RANBP1: variants seen among roughly 807,000 people sequenced by gnomAD.
RANBP1 encodes the protein RAN binding protein 1.
RANBP1 carries 16 observed loss-of-function variants against 31.4 expected under a neutral mutation model. That is an observed-to-expected ratio of 0.51 (90% confidence interval 0.34 to 0.77). RANBP1 has a LOEUF of 0.77. RANBP1 is among the 30% of genes least tolerant of loss of function. The pLI is 0.01. For synonymous variants in RANBP1, 129 were observed against 140.5 expected (o/e 0.92, Z 0.58); for missense variants, 265 against 362.0 (o/e 0.73, Z 2.17).
chr22:20,117,224 T>G (rs185006124), intron 1 of RANBP1: 2 of 542,576 alleles, frequency 3.7e-6, no homozygotes, highest in Non-Finnish European at 3.0e-6. Flanking sequence ...CGAGCGTCTC[T>G]ATGATCCTGG....
rs566453709 is a variant in RANBP1 at position 20,121,991 on chromosome 22, G to A, written c.384-273G>A. The stretch of plus-strand genomic sequence containing the variant: ...TAACCTCAGATGACCTGCCCGCCTC[G>A]GCCTCCCCGAATGCTGGGATTACAA... On this transcript the variant is annotated intron_variant, in intron 2 of 5. Transcript: ENST00000430524. Among the ~76,000 whole-genome samples the A allele has an allele frequency of 5.3e-5, 8 of 151,916 alleles. No individual in the cohort carries two copies. The South Asian group carries it at 1.7e-3, about 32-fold the overall frequency.
chr22:20,119,768 G>A (rs1049593196), intron 2 of RANBP1, among the ~76,000 whole-genome samples: 2 of 152,140 alleles, frequency 1.3e-5, no homozygotes, highest in East Asian at 3.9e-4. Flanking sequence ...GCCCACCCCA[G>A]CCTCCCAAAG....
chr22:20,122,201 C>G, intron 2 of RANBP1, 63 bp from the exon 3 acceptor site: 1 of 1,569,700 alleles, frequency 6.4e-7, no homozygotes, highest in East Asian at 2.3e-5. Context: ...CCTGTGTCCT[C>G]CTGCGCAGGC....
intron 5 of RANBP1, chr22:20,126,582 C>T: frequency 6.5e-7 from 1 of 1,543,512 alleles, no homozygotes; most frequent in Non-Finnish European, 8.8e-7. Context: ...TCCAATTGGG[C>T]AGGCATTGGA....
In RANBP1 at chr22:20,125,298, C is replaced by T. The variant is rs759142606; in HGVS notation, c.542-10C>T. On this transcript the variant is annotated splice_polypyrimidine_tract_variant and intron_variant, in intron 3 of 5. Transcript: ENST00000430524. ...CATCTCACCATCTTCACGAGCTTCT[C>T]TCTCTTCAGTCACGCCGATGATGGA... The T allele has an allele frequency of 7.4e-6, 12 of 1,611,518 alleles. No homozygotes were observed. Among genetic ancestry groups the T allele is most frequent in the Non-Finnish European group, 1.0e-5 (12 of 1,179,828 alleles).
In RANBP1 at chr22:20,125,340, G is replaced by T. The variant is rs2050272352; in HGVS notation, c.574G>T (p.Gly192Cys). Residue 192 changes from glycine to cysteine, a missense_variant, in exon 4 of 6, where the codon GGT becomes TGT. By Grantham distance (159) the Gly-to-Cys change is radical. Coordinates refer to ENST00000430524, the MANE Select transcript of RANBP1 (RefSeq NM_001278639.2). ...GATGATGGAGCTGAAGCCCAACGCAGGTAGCGACCGTGCCTGGGTCTGGAA... is the reference window on the plus strand; with the variant it reads ...GATGATGGAGCTGAAGCCCAACGCATGTAGCGACCGTGCCTGGGTCTGGAA... Reference protein sequence around the residue: ...TPMMELKPNAGSDRAWVWNTH... With the variant: ...TPMMELKPNACSDRAWVWNTH... 6.2e-7 allele frequency: 1 copy of T among 1,611,650 alleles called. No homozygotes were observed. Among genetic ancestry groups the T allele is most frequent in the Non-Finnish European group, 8.5e-7 (1 of 1,179,884 alleles).
intron 2 of RANBP1, among the ~76,000 whole-genome samples, chr22:20,122,029 G>A (rs1480611085): frequency 2.0e-5 from 3 of 152,118 alleles, no homozygotes; most frequent in African/African-American, 4.8e-5. Flanking sequence ...GAGCCACCGC[G>A]CCCGGTCGTC....
chr22:20,117,790 G>T, intron 1 of RANBP1: 6 of 1,040,248 alleles, frequency 5.8e-6, no homozygotes, highest in Non-Finnish European at 6.9e-6. Context: ...CGTCTGCTGG[G>T]CCTCGGTGGC....
chr22:20,117,506 T>A, intron 1 of RANBP1: 1 of 1,279,516 alleles, frequency 7.8e-7, no homozygotes, highest in Non-Finnish European at 9.9e-7. Flanking sequence ...GGGGTCGAGG[T>A]TCGGGTCGTG....
chr22:20,117,873 C>T (rs976495079), intron 1 of RANBP1: 1 of 1,019,582 alleles, frequency 9.8e-7, no homozygotes, highest in African/African-American at 1.7e-5. Context: ...GCAGGCTCTG[C>T]AGAGGCCTGG....
chr22:20,117,050 G>A (rs2050048935), intron 1 of RANBP1: 2 of 1,079,566 alleles, frequency 1.9e-6, no homozygotes, highest in Non-Finnish European at 1.3e-6. Flanking sequence ...AACGCCGCGA[G>A]GTCGCCGCCA....
intron 5 of RANBP1, chr22:20,126,696 T>C: frequency 6.7e-7 from 1 of 1,496,742 alleles, no homozygotes; most frequent in Admixed American, 2.0e-5. Context: ...ACTGCAGCTG[T>C]GGTGGCAAGT....
intron 2 of RANBP1, among the ~76,000 whole-genome samples, chr22:20,121,844 T>C (rs2050177583): frequency 7.2e-6 from 1 of 138,612 alleles, no homozygotes; most frequent in South Asian, 2.2e-4. Context: ...GCTCAAGTGA[T>C]TGTCGTGCCT....
At chr22:20,119,651 A>T (rs2050132660) in intron 2 of RANBP1, 2 of 157,826 alleles carry the variant, frequency 1.3e-5, no homozygotes, top group Admixed American at 1.2e-4. Context: ...CCTCAGCTGG[A>T]ACTACAGGCA....
intron 2 of RANBP1, among the ~76,000 whole-genome samples, chr22:20,119,703 G>A (rs2050134319): frequency 6.6e-6 from 1 of 152,158 alleles, no homozygotes; most frequent in South Asian, 2.1e-4. Context: ...TTTTAGTAGA[G>A]ACGGAGTTTC....
intron 4 of RANBP1, 165 bp downstream of exon 4, chr22:20,125,601 C>T (rs1001704629): frequency 6.6e-7 from 1 of 1,517,184 alleles, no homozygotes; most frequent in Non-Finnish European, 8.8e-7. Flanking sequence ...CATGCCCAGA[C>T]TGAAGCCATG....
At chr22:20,121,479 C>T (rs191627984) in intron 2 of RANBP1, among the ~76,000 whole-genome samples, 143 of 152,180 alleles carry the variant, frequency 9.4e-4, no homozygotes, top group African/African-American at 3.0e-3. Context: ...GAACTCCCGA[C>T]GTCAGGTGAT....
At chr22:20,117,198 C>T in intron 1 of RANBP1, 3 of 540,524 alleles carry the variant, frequency 5.6e-6, no homozygotes, top group African/African-American at 2.0e-5. Flanking sequence ...AGTCCGCCAG[C>T]GCGTGCGGCG....
intron 3 of RANBP1, among the ~76,000 whole-genome samples, chr22:20,122,990 GGGGTGTGGTGGGGTATGTGGTT>G (rs2050212801): frequency 8.8e-6 from 1 of 114,030 alleles, no homozygotes; most frequent in Admixed American, 8.4e-5. Flanking sequence ...TGGTGTCTGG[GGGGTGTGGTGGGGTATGTGGTT>G]GGGTGTGGTG....
Sources: gnomAD v4.1 joint callset for allele counts (sites outside exome capture counted in the v4.1 genomes callset) on GRCh38, gnomAD v4.1.1 for gene constraint, MANE v1.5 for transcripts, NCBI Gene and HGNC (gene_info 2026-07-23, HGNC 2026-07-21) for gene names.